ZSWIM4: variants seen among roughly 807,000 people sequenced by gnomAD.
The protein encoded by ZSWIM4 is zinc finger SWIM-type containing 4.
In ZSWIM4, 62 loss-of-function variants were observed where a neutral mutation model predicts 102.5. That is an observed-to-expected ratio of 0.60 (90% CI 0.49 to 0.75). The LOEUF is 0.75. Among genes scored for constraint, ZSWIM4 ranks in the 30% least tolerant of loss-of-function variants. The pLI is 0.00. For synonymous variants in ZSWIM4, 652 were observed against 674.5 expected, an observed-to-expected ratio of 0.97 and a Z score of 0.52; for missense variants, 1,280 against 1,529.6, an observed-to-expected ratio of 0.84 and a Z score of 2.72.
At chr19:13,814,062 T>A (rs1975193088) in intron 6 of ZSWIM4, among the ~76,000 whole-genome samples, 1 of 144,784 alleles carries the variant, frequency 6.9e-6, no homozygotes, top group African/African-American at 2.5e-5. Flanking sequence ...CACGCATCCT[T>A]TTTTTTTTTT....
intron 8 of ZSWIM4, 155 bp from the exon 9 acceptor site, chr19:13,817,567 G>T: frequency 9.1e-7 from 1 of 1,093,120 alleles, no homozygotes; most frequent in Non-Finnish European, 1.3e-6. Flanking sequence ...TAGAAGGTGG[G>T]GCTCCCGCGC....
chr19:13,825,631 A>G lies in ZSWIM4; in HGVS notation c.2297A>G (p.Gln766Arg). 6.2e-7 allele frequency: 1 copy of G among 1,614,086 alleles called. No individual in the cohort carries two copies. ...CCGGCCCTGCTCTTTAAGCTGGCGCAGGACGCCTGCAAGACAGCCACCCCG... is the reference window on the plus strand; with the variant it reads ...CCGGCCCTGCTCTTTAAGCTGGCGCGGGACGCCTGCAAGACAGCCACCCCG... Reference protein sequence around the residue: ...HSPALLFKLAQDACKTATPVS... With the variant: ...HSPALLFKLARDACKTATPVS... Residue 766 changes from glutamine to arginine, a missense_variant, in exon 12 of 14, where the codon CAG (glutamine) becomes CGG (arginine). Coordinates refer to ENST00000590508, the MANE Select transcript of ZSWIM4 (RefSeq NM_001367834.3). This position sits in a 1 kb window ranked among gnomAD's most constrained non-coding sequence, Gnocchi z 4.6.
In ZSWIM4 at chr19:13,817,996, C is replaced by T. The variant is rs1365276321; in HGVS notation, c.1924+20C>T. 1.4e-5 allele frequency: 20 copies of T among 1,475,342 alleles called. No homozygotes were observed. Among genetic ancestry groups the T allele is most frequent in the Non-Finnish European group, 1.8e-5 (20 of 1,110,052 alleles). 91.4% of individuals were successfully genotyped at this position (1,475,342 alleles called of 1,614,324 possible). ...TGGAAGGTGAGGCCGCGCCCCTAGG[C>T]CTGGCTGTTGCTGAAGGGTAGGGTC... On this transcript the variant is annotated intron_variant, in intron 9 of 13. Transcript: ENST00000590508.
At chr19:13,803,107 G>A (rs149069911) in intron 2 of ZSWIM4, among the ~76,000 whole-genome samples, 2 of 152,380 alleles carry the variant, frequency 1.3e-5, no homozygotes, top group African/African-American at 4.8e-5. Flanking sequence ...TAGAGGTCGG[G>A]GCTGGGCTGA....
chr19:13,809,077 A>AG lies in ZSWIM4; in HGVS notation c.870dup (p.Met291AspfsTer46), dbSNP rs1975001620. 6.2e-7 allele frequency: 1 copy of AG among 1,612,706 alleles called. No homozygotes were observed. Among genetic ancestry groups the AG allele is most frequent in the Non-Finnish European group, 8.5e-7 (1 of 1,179,120 alleles). The stretch of plus-strand genomic sequence containing the variant: ...ACCCTGTCCCCGGCACAGGTGCGGG[A>AG]GATGCTGCGAATGCGGGACTCCAAC... On this transcript the variant is annotated frameshift_variant, in exon 5 of 14. Coordinates refer to ENST00000590508, the MANE Select transcript of ZSWIM4 (RefSeq NM_001367834.3). LOFTEE classifies it high-confidence loss of function. The surrounding 1 kb of genome is among the most constrained non-coding windows in gnomAD (Gnocchi z 4.2).
Position 13,831,143 on chromosome 19 carries a change from A to T in ZSWIM4, c.*93A>T. 1.4e-6 allele frequency: 2 copies of T among 1,477,512 alleles called. No individual in the cohort carries two copies. The highest frequency in any genetic ancestry group is 1.8e-6 in the Non-Finnish European group (2 of 1,115,056). The allele number at this position is 1,477,512 out of a possible 1,614,324, so 91.5% of individuals were successfully genotyped here. A position where few individuals can be genotyped will look rare whatever the true frequency, so the allele number is the denominator to read the frequency against. On this transcript the variant is annotated 3_prime_UTR_variant, in exon 14 of 14. Transcript: ENST00000590508. ...TAGGCCCACGTGGCATTTCAGTATT[A>T]TTAAGTCAGGGAAGGAGCCCGGCTG...
chr19:13,797,825 G>A (rs144322949), intron 1 of ZSWIM4, among the ~76,000 whole-genome samples: 19 of 152,068 alleles, frequency 1.2e-4, no homozygotes, highest in African/African-American at 4.3e-4. Context: ...GCTAATTTTT[G>A]TATATTTAGT....
intron 5 of ZSWIM4, among the ~76,000 whole-genome samples, chr19:13,811,541 A>G (rs1032101631): frequency 1.3e-5 from 2 of 151,896 alleles, no homozygotes; most frequent in Admixed American, 1.3e-4. Context: ...ACAACAACAA[A>G]AAAAGGCGCT....
chr19:13,814,594 A>T lies in ZSWIM4; in HGVS notation c.1260A>T (p.Leu420=). The T allele has an allele frequency of 8.2e-7, 1 of 1,221,264 alleles. No homozygotes were observed. Among genetic ancestry groups the T allele is most frequent in the Non-Finnish European group, 1.1e-6 (1 of 947,058 alleles). 75.7% of individuals were successfully genotyped at this position (1,221,264 alleles called of 1,614,324 possible). A position where few individuals can be genotyped will look rare whatever the true frequency, so the allele number is the denominator to read the frequency against. The stretch of plus-strand genomic sequence containing the variant: ...GCCGCGCCTTGCTGGCTGGAGAGCT[A>T]CACTGGAATGACGCCTACCTGCAGA... ...VFGRALLAGE[L]HWNDAYLQRI... Residue 420 remains leucine (L), a synonymous_variant, in exon 7 of 14, where the codon CTA becomes CTT. Coordinates refer to ENST00000590508, the MANE Select transcript of ZSWIM4 (RefSeq NM_001367834.3).
At chr19:13,812,302 G>A (rs1975119084) in intron 5 of ZSWIM4, among the ~76,000 whole-genome samples, 1 of 151,748 alleles carries the variant, frequency 6.6e-6, no homozygotes, top group South Asian at 2.1e-4. Flanking sequence ...TTTTTGTTTT[G>A]TTTTGTTTTG....
intron 3 of ZSWIM4, among the ~76,000 whole-genome samples, chr19:13,807,794 GGTGT>G (rs143414693): frequency 2.1e-5 from 3 of 141,426 alleles, no homozygotes; most frequent in South Asian, 2.2e-4. Flanking sequence ...TGGATGGATG[GGTGT>G]ATGGGTGTAT....
In ZSWIM4 at chr19:13,825,751, G is replaced by GCT; in HGVS notation, c.2379+40_2379+41dup. On this transcript the variant is annotated intron_variant, in intron 12 of 13. Coordinates refer to ENST00000590508, the MANE Select transcript of ZSWIM4 (RefSeq NM_001367834.3). The surrounding 1 kb of genome is among the most constrained non-coding windows in gnomAD (Gnocchi z 4.6). The stretch of plus-strand genomic sequence containing the variant: ...AGGTGGATGCGGGAGGGCGATGGTG[G>GCT]CTCGGGGCCAGGACTGACTGTGAGC... The GCT allele has an allele frequency of 2.5e-6, 4 of 1,584,528 alleles. No homozygotes were observed. Among genetic ancestry groups the GCT allele is most frequent in the Non-Finnish European group, 2.6e-6 (3 of 1,170,102 alleles).
chr19:13,798,463 A>G (rs1174042253), intron 1 of ZSWIM4, among the ~76,000 whole-genome samples: 1 of 151,786 alleles, frequency 6.6e-6, no homozygotes, highest in East Asian at 1.9e-4. Flanking sequence ...CATTATTATC[A>G]CTTTTTTCTA....
intron 1 of ZSWIM4, among the ~76,000 whole-genome samples, chr19:13,799,494 T>C (rs185339126): frequency 1.3e-5 from 2 of 151,974 alleles, no homozygotes; most frequent in East Asian, 2.0e-4. Flanking sequence ...AGGCTGGTCT[T>C]GAACTCCTGA....
At chr19:13,804,683 G>C in intron 2 of ZSWIM4, 109 bp from the exon 3 acceptor site, 2 of 821,654 alleles carry the variant, frequency 2.4e-6, no homozygotes, top group Middle Eastern at 3.2e-4. Flanking sequence ...GAGGTGACTT[G>C]TGCTAGTGAA....
intron 8 of ZSWIM4, 38 bp downstream of exon 8, chr19:13,817,391 C>G: frequency 6.3e-7 from 1 of 1,592,890 alleles, no homozygotes; most frequent in Non-Finnish European, 8.6e-7. Context: ...GGTGGGACAA[C>G]CCCGCCTCGT....
intron 9 of ZSWIM4, among the ~76,000 whole-genome samples, chr19:13,818,332 A>G (rs565677323): frequency 1.3e-5 from 2 of 152,224 alleles, no homozygotes; most frequent in East Asian, 3.9e-4. Context: ...GGCCCCGCCA[A>G]TGGCCAGGCC....
chr19:13,821,840 G>A (rs1485407616), intron 10 of ZSWIM4, among the ~76,000 whole-genome samples: 2 of 151,982 alleles, frequency 1.3e-5, no homozygotes, highest in African/African-American at 4.8e-5. Flanking sequence ...GGGTTCAAGT[G>A]ATTCTCCTGC....
At chr19:13,798,712 G>A (rs1388201686) in intron 1 of ZSWIM4, among the ~76,000 whole-genome samples, 3 of 152,194 alleles carry the variant, frequency 2.0e-5, no homozygotes, top group African/African-American at 7.2e-5. Context: ...GAATACTGAG[G>A]CCAAGTGACT....
Sources: allele counts gnomAD v4.1 joint callset (sites outside exome capture counted in the v4.1 genomes callset), GRCh38; gene constraint gnomAD v4.1.1; non-coding constraint Gnocchi (gnomAD v3.1); transcripts MANE v1.5; gene names NCBI Gene and HGNC (gene_info 2026-07-23, HGNC 2026-07-21).